Variants in LGALS8 observed in about 807,000 individuals in gnomAD.
LGALS8 encodes the protein galectin-8.
A neutral mutation model predicts 35.9 loss-of-function variants in LGALS8; 30 were observed. The observed-to-expected ratio is 0.83, with a 90% CI of 0.62 to 1.13. LGALS8 has a LOEUF of 1.13. Among genes scored for constraint, LGALS8 ranks in the 50% most tolerant of loss-of-function variants. The pLI is 0.00. For missense variants in LGALS8, 366 were observed against 388.7 expected (o/e 0.94, Z 0.49); for synonymous variants, 138 against 136.1 (o/e 1.01, Z -0.10).
rs768809170 is a variant in LGALS8 at position 236,552,147 on chromosome 1, TACTG to T, written c.*3987_*3990del. 7.6e-7 allele frequency: 1 copy of T among 1,321,980 alleles called. No individual in the cohort carries two copies. The highest frequency in any genetic ancestry group is 1.1e-6 in the Non-Finnish European group (1 of 919,216). The allele number at this position is 1,321,980 out of a possible 1,614,324, so 81.9% of individuals were successfully genotyped here. A position where few individuals can be genotyped will look rare whatever the true frequency, so the allele number is the denominator to read the frequency against. On this transcript the variant is annotated 3_prime_UTR_variant, in exon 10 of 10. Transcript: ENST00000366584. ...AGAGCAAAGAAATAAAAAGTAGTGT[TACTG>T]TATTTATTATCTTAAGAGCTGTACT...
intron 1 of LGALS8, chr1:236,524,502 G>A (rs1660701704): frequency 8.9e-6 from 4 of 446,928 alleles, no homozygotes; most frequent in South Asian, 6.2e-5. Context: ...CCTCCATTGC[G>A]TTCCCTGCCT....
chr1:236,524,696 A>G, intron 1 of LGALS8: 1 of 316,830 alleles, frequency 3.2e-6, no homozygotes, highest in East Asian at 8.0e-5. Context: ...GATTTAATGC[A>G]AGCAGATGGC....
intron 6 of LGALS8, chr1:236,542,508 A>C: frequency 1.8e-6 from 1 of 543,316 alleles, no homozygotes; most frequent in East Asian, 3.1e-5. Flanking sequence ...GTTCTATGAA[A>C]AATTATTAAT....
chr1:236,528,007 A>G (rs576958519), intron 2 of LGALS8, among the ~76,000 whole-genome samples: 6 of 150,334 alleles, frequency 4.0e-5, no homozygotes, highest in African/African-American at 1.5e-4. Flanking sequence ...AAGTGCTGGG[A>G]TTACAGGCGT....
rs8698 is a variant in LGALS8, at chr1:236,549,557, C to T, written c.*1396C>T. 0.53 allele frequency: 81,054 copies of T among 152,084 alleles called. 23,747 individuals carry two copies. Among genetic ancestry groups the T allele is most frequent in the Non-Finnish European group, 0.66 (44,608 of 67,994 alleles). The allele number at this position is 152,084 out of a possible 1,614,324, so 9.4% of individuals were successfully genotyped here. ...TTTTAAAAGTACTCAGTGTAGAAAT[C>T]GCTAGCCCTTAATTCTTTTCCAGCT... On this transcript the variant is annotated 3_prime_UTR_variant, in exon 10 of 10. Transcript: ENST00000366584.
chr1:236,523,287 C>T (rs1660609753), upstream of LGALS8: 2 of 152,312 alleles, frequency 1.3e-5, no homozygotes, highest in South Asian at 2.1e-4. Flanking sequence ...GCGAGTGACG[C>T]GGAGTGGCTG....
At position 236,541,672 on chromosome 1, in the gene LGALS8, G is replaced by A; in HGVS notation, c.484G>A (p.Ala162Thr). Residue 162 changes from alanine (A) to threonine (T), a missense_variant, in exon 6 of 10, where the codon GCA becomes ACA. Physicochemically the swap from Ala to Thr is moderately conservative, Grantham distance 58. Coordinates refer to ENST00000366584, the MANE Select transcript of LGALS8 (RefSeq NM_201544.4). ...TTCTCAGGACTTACAAAGTACCCAA[G>A]CATCTAGTCTGGAACTGACAGAGAT... ...SFSSDLQSTQ[A>T]SSLELTEISR... 6.6e-7 allele frequency: 1 copy of A among 1,519,716 alleles called. No individual in the cohort carries two copies. The highest frequency in any genetic ancestry group is 9.0e-7 in the Non-Finnish European group (1 of 1,116,470). 94.1% of individuals were successfully genotyped at this position (1,519,716 alleles called of 1,614,324 possible).
At chr1:236,542,682 C>A (rs1048191701) in intron 6 of LGALS8, 79 bp from the exon 7 acceptor site, 2 of 1,501,192 alleles carry the variant, frequency 1.3e-6, no homozygotes, top group Non-Finnish European at 1.9e-6. Flanking sequence ...AGGCTCAGCT[C>A]AGCACAACCA....
At chr1:236,524,207 C>G in intron 1 of LGALS8, 146 bp downstream of exon 1, 1 of 456,054 alleles carries the variant, frequency 2.2e-6, no homozygotes, top group Non-Finnish European at 4.4e-6. Context: ...CAGTCCACCC[C>G]GACCCGCCGG....
At chr1:236,524,495 C>T (rs1315413579) in intron 1 of LGALS8, 1 of 449,388 alleles carries the variant, frequency 2.2e-6, no homozygotes. Context: ...GGAGTGACCT[C>T]CATTGCGTTC....
At chr1:236,527,542 G>C (rs1476126719) in intron 2 of LGALS8, among the ~76,000 whole-genome samples, 4 of 152,046 alleles carry the variant, frequency 2.6e-5, no homozygotes, top group Admixed American at 2.6e-4. Flanking sequence ...TCACAAAAGA[G>C]TCGGAAAGGT....
At position 236,541,722 on chromosome 1, in the gene LGALS8, A is replaced by G; in HGVS notation, c.522+12A>G. The stretch of plus-strand genomic sequence containing the variant: ...TAAGTAGAGAAAATGTAAATATTAA[A>G]TCTTTTAATGAGCCACTGGTTTAAA... On this transcript the variant is annotated intron_variant, in intron 6 of 9. Transcript: ENST00000366584. The G allele has an allele frequency of 1.4e-6, 2 of 1,384,996 alleles. No homozygotes were observed. Among genetic ancestry groups the G allele is most frequent in the Non-Finnish European group, 2.0e-6 (2 of 1,001,592 alleles). The allele number at this position is 1,384,996 out of a possible 1,614,324, so 85.8% of individuals were successfully genotyped here.
At chr1:236,523,216 A>G (rs1386993042), upstream of LGALS8, 1 of 152,226 alleles carries the variant, frequency 6.6e-6, no homozygotes, top group African/African-American at 2.4e-5. Context: ...TGTGCTCCAT[A>G]CTGCTTAAAC....
At chr1:236,535,988 G>C (rs1661471012) in intron 2 of LGALS8, among the ~76,000 whole-genome samples, 2 of 152,202 alleles carry the variant, frequency 1.3e-5, no homozygotes, top group South Asian at 2.1e-4. Context: ...AAGGTGATGA[G>C]CCAGTTCTGC....
intron 4 of LGALS8, among the ~76,000 whole-genome samples, chr1:236,539,705 C>G (rs898996342): frequency 1.3e-5 from 2 of 152,234 alleles, no homozygotes; most frequent in African/African-American, 4.8e-5. Flanking sequence ...TCGAATGCCT[C>G]TGGCGCAGAT....
chr1:236,535,701 C>T (rs776571188), intron 2 of LGALS8, among the ~76,000 whole-genome samples: 1 of 152,212 alleles, frequency 6.6e-6, no homozygotes, highest in Non-Finnish European at 1.5e-5. Flanking sequence ...CCAGTCTACA[C>T]TGTCTGTTGT....
chr1:236,540,517 G>GT (rs745348275), intron 4 of LGALS8, 47 bp from the exon 5 acceptor site: 5,582 of 1,241,108 alleles, frequency 4.5e-3, no homozygotes, highest in South Asian at 0.01. Flanking sequence ...TTTATTAACT[G>GT]TTTTTTTTTG....
chr1:236,534,221 G>A (rs819424), intron 2 of LGALS8, among the ~76,000 whole-genome samples: 58,641 of 151,766 alleles, frequency 0.39, 12,163 homozygotes, highest in South Asian at 0.54. Flanking sequence ...CCAATTTTCA[G>A]CAGCCAAATA....
chr1:236,540,737 T>C (rs1661938850), intron 5 of LGALS8, 54 bp downstream of exon 5: 5 of 1,510,970 alleles, frequency 3.3e-6, no homozygotes, highest in Non-Finnish European at 4.4e-6. Context: ...TCTGATGAGA[T>C]GGTAGAAAAA....
Sources: allele counts gnomAD v4.1 joint callset (sites outside exome capture counted in the v4.1 genomes callset), GRCh38; gene constraint gnomAD v4.1.1; transcripts MANE v1.5; gene names NCBI Gene and HGNC (gene_info 2026-07-23, HGNC 2026-07-21).